The following TXNDC16 variants were observed in gnomAD, a reference collection of about 807,000 sequenced individuals.
TXNDC16 encodes thioredoxin domain containing 16, also known as thioredoxin domain-containing protein 16.
In TXNDC16, 74 loss-of-function variants were observed where a neutral mutation model predicts 85.6. The ratio of observed to expected loss-of-function variants is 0.86; its 90% CI spans 0.72 to 1.05. The LOEUF (loss-of-function observed/expected upper bound fraction) is 1.05, where lower values mean the gene tolerates loss of function less well. Among genes scored for constraint, TXNDC16 ranks in the 50% least tolerant of loss-of-function variants. TXNDC16 has a pLI of 0.00. For missense variants in TXNDC16, 959 were observed against 947.0 expected (o/e 1.01, Z -0.17); for synonymous variants, 335 against 326.5 (o/e 1.03, Z -0.28).
intron 18 of TXNDC16, among the ~76,000 whole-genome samples, chr14:52,454,441 AC>A (rs1447188553): frequency 2.6e-5 from 4 of 151,334 alleles, no homozygotes; most frequent in Non-Finnish European, 4.4e-5. Flanking sequence ...AAAAAAAAAA[AC>A]AAAAGCTCAT....
At chr14:52,536,871 A>G (rs558988701) in intron 5 of TXNDC16, 78 bp from the exon 6 acceptor site, 1 of 1,232,598 alleles carries the variant, frequency 8.1e-7, no homozygotes, top group African/African-American at 1.5e-5. Flanking sequence ...CTTGTCTATC[A>G]AATACATTAG....
At chr14:52,551,033 A>G (rs1199383036) in intron 1 of TXNDC16, among the ~76,000 whole-genome samples, 1 of 152,074 alleles carries the variant, frequency 6.6e-6, no homozygotes, top group East Asian at 1.9e-4. Flanking sequence ...CCTCTCATAC[A>G]CTGCACTCTC....
chr14:52,514,542 T>A (rs1038564465), intron 8 of TXNDC16, among the ~76,000 whole-genome samples: 1 of 152,124 alleles, frequency 6.6e-6, no homozygotes, highest in Non-Finnish European at 1.5e-5. Flanking sequence ...ACAAAGAACT[T>A]CTGAAGCCTC....
intron 17 of TXNDC16, among the ~76,000 whole-genome samples, chr14:52,456,304 G>A (rs562782407): frequency 5.3e-5 from 8 of 152,078 alleles, no homozygotes; most frequent in South Asian, 2.1e-4. Flanking sequence ...ACAGCTAGAC[G>A]CACAATGACA....
chr14:52,517,248 T>C (rs1328806722), intron 7 of TXNDC16, among the ~76,000 whole-genome samples: 1 of 152,078 alleles, frequency 6.6e-6, no homozygotes, highest in Non-Finnish European at 1.5e-5. Flanking sequence ...GGCTAAAAAA[T>C]GTAATCCAGG....
intron 6 of TXNDC16, among the ~76,000 whole-genome samples, chr14:52,536,016 T>A (rs2037691949): frequency 6.6e-6 from 1 of 151,604 alleles, no homozygotes; most frequent in Middle Eastern, 3.4e-3. Context: ...AAAGTGAGAC[T>A]CCATCTCAAA....
intron 9 of TXNDC16, among the ~76,000 whole-genome samples, chr14:52,508,058 G>C (rs1162535352): frequency 6.6e-6 from 1 of 152,128 alleles, no homozygotes; most frequent in Non-Finnish European, 1.5e-5. Flanking sequence ...AGACAAAATT[G>C]ACAAATGGGA....
intron 9 of TXNDC16, among the ~76,000 whole-genome samples, chr14:52,499,840 A>ACACG (rs2036616693): frequency 6.6e-6 from 1 of 152,164 alleles, no homozygotes; most frequent in Non-Finnish European, 1.5e-5. Flanking sequence ...GCATATACCT[A>ACACG]CACGCTCCAT....
At chr14:52,481,255 C>T (rs1442203084) in intron 14 of TXNDC16, among the ~76,000 whole-genome samples, 1 of 151,728 alleles carries the variant, frequency 6.6e-6, no homozygotes, top group African/African-American at 2.4e-5. Flanking sequence ...GTATATACTG[C>T]TCAGGTGATG....
intron 16 of TXNDC16, among the ~76,000 whole-genome samples, chr14:52,463,363 G>A (rs2035697602): frequency 6.6e-6 from 1 of 152,150 alleles, no homozygotes; most frequent in Admixed American, 6.5e-5. Context: ...GCTTCCGGGG[G>A]TCGCTGGAAG....
chr14:52,528,497 C>T (rs189862981), intron 6 of TXNDC16, among the ~76,000 whole-genome samples: 20 of 151,324 alleles, frequency 1.3e-4, no homozygotes, highest in Non-Finnish European at 2.1e-4. Context: ...GGAGGCAATC[C>T]CAGGAAATTT....
In TXNDC16 at chr14:52,509,929, C is replaced by T. The variant is rs570371334; in HGVS notation, c.756+1311G>A. Among the ~76,000 whole-genome samples the T allele has an allele frequency of 6.0e-5, 9 of 151,050 alleles. No individual in the cohort carries two copies. In the South Asian group the frequency reaches 1.7e-3, roughly 28 times the overall value. On this transcript the variant is annotated intron_variant, in intron 9 of 20. Coordinates refer to ENST00000281741, the MANE Select transcript of TXNDC16 (RefSeq NM_020784.3). Reference sequence around the variant, plus strand: ...CCAGGAGGAGGAGCTTGCAGTGAGCCGAGATCGCGCCACTGCACTCCAGCC... The same window carrying T: ...CCAGGAGGAGGAGCTTGCAGTGAGCTGAGATCGCGCCACTGCACTCCAGCC...
intron 8 of TXNDC16, among the ~76,000 whole-genome samples, chr14:52,514,069 T>C (rs1033896838): frequency 2.0e-5 from 3 of 152,150 alleles, no homozygotes; most frequent in Admixed American, 2.0e-4. Context: ...GTCAATGTCA[T>C]ACAGAGCAAT....
intron 9 of TXNDC16, among the ~76,000 whole-genome samples, chr14:52,491,338 T>C (rs984927781): frequency 2.0e-5 from 3 of 146,680 alleles, no homozygotes; most frequent in South Asian, 2.2e-4. Flanking sequence ...CACACCACCA[T>C]GCCTAGCTTT....
intron 9 of TXNDC16, among the ~76,000 whole-genome samples, chr14:52,495,294 A>G (rs1307093713): frequency 2.0e-5 from 3 of 152,212 alleles, no homozygotes; most frequent in African/African-American, 7.2e-5. Context: ...GCTGTGGTCT[A>G]AGGGCCTTGA....
intron 9 of TXNDC16, among the ~76,000 whole-genome samples, chr14:52,507,178 C>A (rs1287995949): frequency 2.0e-5 from 3 of 151,938 alleles, no homozygotes; most frequent in Non-Finnish European, 4.4e-5. Context: ...TTGTCTCAGC[C>A]CAAAATCTCC....
intron 9 of TXNDC16, among the ~76,000 whole-genome samples, chr14:52,501,584 C>A (rs1243716976): frequency 1.3e-5 from 2 of 152,122 alleles, no homozygotes; most frequent in African/African-American, 4.8e-5. Context: ...TTCAGTAGTA[C>A]TATGAGAGAA....
intron 9 of TXNDC16, among the ~76,000 whole-genome samples, chr14:52,500,897 G>T (rs2036643141): frequency 6.6e-6 from 1 of 152,126 alleles, no homozygotes; most frequent in African/African-American, 2.4e-5. Context: ...ATTTGCACTT[G>T]AGAATTCAGA....
At chr14:52,530,340 AT>A (rs1197897935) in intron 6 of TXNDC16, among the ~76,000 whole-genome samples, 12 of 45,740 alleles carry the variant, frequency 2.6e-4, no homozygotes, top group Admixed American at 4.4e-4. Flanking sequence ...ATTATATATA[AT>A]TATATATTAT....
Sources: allele counts gnomAD v4.1 joint callset (sites outside exome capture counted in the v4.1 genomes callset), GRCh38; gene constraint gnomAD v4.1.1; transcripts MANE v1.5; gene names NCBI Gene and HGNC (gene_info 2026-07-23, HGNC 2026-07-21).